Variants in EVI5 observed in about 807,000 individuals in gnomAD.
EVI5 encodes the protein ecotropic viral integration site 5.
A neutral mutation model predicts 112.0 loss-of-function variants in EVI5; 73 were observed. The ratio of observed to expected loss-of-function variants is 0.65; its 90% confidence interval spans 0.54 to 0.79. The LOEUF is 0.79. Among genes scored for constraint, EVI5 ranks in the 30% least tolerant of loss-of-function variants. EVI5 has a pLI of 0.00. For missense variants in EVI5, 900 were observed against 968.8 expected, an observed-to-expected ratio of 0.93 and a Z score of 0.94; for synonymous variants, 305 against 319.9, an observed-to-expected ratio of 0.95 and a Z score of 0.50.
chr1:92,707,244 G>A (rs1375831473), intron 2 of EVI5, among the ~76,000 whole-genome samples: 2 of 147,488 alleles, frequency 1.4e-5, no homozygotes, highest in African/African-American at 2.5e-5. Flanking sequence ...GCAAAAATTT[G>A]TTTGCAGGAC....
chr1:92,579,853 C>A (rs1294323220), intron 18 of EVI5, among the ~76,000 whole-genome samples: 1 of 152,062 alleles, frequency 6.6e-6, no homozygotes, highest in Admixed American at 6.5e-5. Flanking sequence ...CTTAAACGGT[C>A]GCTTGTGATT....
chr1:92,573,170 G>A (rs904207307), intron 18 of EVI5, among the ~76,000 whole-genome samples: 1 of 152,030 alleles, frequency 6.6e-6, no homozygotes, highest in Non-Finnish European at 1.5e-5. Flanking sequence ...AATTAGAGAA[G>A]TATCACTTTA....
chr1:92,660,903 C>G (rs1019898621), intron 13 of EVI5, among the ~76,000 whole-genome samples: 2 of 151,860 alleles, frequency 1.3e-5, no homozygotes, highest in Admixed American at 6.6e-5. Context: ...CATCAAGCTA[C>G]ATACCTACAT....
At chr1:92,762,378 T>C (rs1374876299) in intron 1 of EVI5, among the ~76,000 whole-genome samples, 1 of 152,210 alleles carries the variant, frequency 6.6e-6, no homozygotes, top group East Asian at 1.9e-4. Flanking sequence ...ATTCATTATC[T>C]TATTTAATCT....
At chr1:92,754,522 G>A in intron 1 of EVI5, among the ~76,000 whole-genome samples, 1 of 97,664 alleles carries the variant, frequency 1.0e-5, no homozygotes, top group East Asian at 1.2e-3. Context: ...GGCCTCTCAT[G>A]AGCTTGCAGA....
Position 92,513,544 on chromosome 1 carries a change from TA to T in EVI5, c.*111del. 2 of 13,192 alleles carry T rather than the reference TA, an allele frequency of 1.5e-4. No homozygotes were observed. Among genetic ancestry groups the T allele is most frequent in the Non-Finnish European group, 1.1e-4 (1 of 8,828 alleles). The allele number at this position is 13,192 out of a possible 1,614,324, so 0.8% of individuals were successfully genotyped here. A position where few individuals can be genotyped will look rare whatever the true frequency, so the allele number is the denominator to read the frequency against. On this transcript the variant is annotated 3_prime_UTR_variant, in exon 20 of 20. Transcript: ENST00000684568. ...ATATATATATATATATATATATATA[TA>T]TATATATATATATATATATATGTAC... is the stretch of plus-strand genomic sequence containing the variant.
intron 9 of EVI5, among the ~76,000 whole-genome samples, chr1:92,689,823 A>G (rs1244280612): frequency 6.6e-6 from 1 of 152,230 alleles, no homozygotes; most frequent in Non-Finnish European, 1.5e-5. Context: ...GAATAGACTA[A>G]TTTAAAAGAA....
chr1:92,722,763 T>A (rs1455393386), intron 2 of EVI5, among the ~76,000 whole-genome samples: 2 of 152,168 alleles, frequency 1.3e-5, no homozygotes, highest in African/African-American at 4.8e-5. Context: ...TTTAAAAGAC[T>A]ATCTCTTCCC....
At chr1:92,514,483 A>C (rs894971407) in intron 19 of EVI5, among the ~76,000 whole-genome samples, 1 of 152,024 alleles carries the variant, frequency 6.6e-6, no homozygotes, top group African/African-American at 2.4e-5. Flanking sequence ...GAATAATAAC[A>C]ACCGTCCTAT....
At chr1:92,683,492 C>T (rs1558063011) in intron 9 of EVI5, among the ~76,000 whole-genome samples, 1 of 152,166 alleles carries the variant, frequency 6.6e-6, no homozygotes, top group Admixed American at 6.5e-5. Flanking sequence ...ACACAGAGCA[C>T]CTCTTCGCCT....
chr1:92,783,901 A>G (rs1404591493), intron 1 of EVI5, among the ~76,000 whole-genome samples: 1 of 152,130 alleles, frequency 6.6e-6, no homozygotes, highest in African/African-American at 2.4e-5. Flanking sequence ...AAACAAAAAA[A>G]GTTACTTACA....
intron 10 of EVI5, 98 bp downstream of exon 10, chr1:92,677,060 A>G: frequency 2.6e-6 from 2 of 770,200 alleles, no homozygotes; most frequent in Non-Finnish European, 4.3e-6. Flanking sequence ...TAGGATGGTA[A>G]ATACATTTAT....
chr1:92,728,585 G>A (rs1192083083), intron 2 of EVI5, among the ~76,000 whole-genome samples: 3 of 151,944 alleles, frequency 2.0e-5, no homozygotes, highest in African/African-American at 4.8e-5. Context: ...ACAGGGTTTC[G>A]CCATGTTGGC....
intron 19 of EVI5, among the ~76,000 whole-genome samples, chr1:92,551,103 C>T (rs1386046986): frequency 8.5e-6 from 1 of 117,198 alleles, no homozygotes; most frequent in Non-Finnish European, 1.6e-5. Flanking sequence ...AGTTCAGTGG[C>T]ATGATCTTGG....
At chr1:92,550,979 G>A (rs1666816565) in intron 19 of EVI5, among the ~76,000 whole-genome samples, 1 of 139,622 alleles carries the variant, frequency 7.2e-6, no homozygotes, top group African/African-American at 2.6e-5. Flanking sequence ...CCAAAATCCA[G>A]AATTAAGATT....
intron 18 of EVI5, among the ~76,000 whole-genome samples, chr1:92,591,640 T>TA (rs1461399939): frequency 3.3e-5 from 5 of 152,130 alleles, no homozygotes; most frequent in African/African-American, 1.2e-4. Flanking sequence ...CAAAAAGACT[T>TA]AGACTCCCAC....
chr1:92,726,790 A>G (rs749644192), intron 2 of EVI5, among the ~76,000 whole-genome samples: 1 of 152,222 alleles, frequency 6.6e-6, no homozygotes, highest in Non-Finnish European at 1.5e-5. Context: ...AGGACTGGAC[A>G]GGAGAAATGC....
chr1:92,696,368 C>T (rs1670320238), intron 6 of EVI5, among the ~76,000 whole-genome samples: 1 of 152,102 alleles, frequency 6.6e-6, no homozygotes, highest in South Asian at 2.1e-4. Flanking sequence ...AATCCCAGCA[C>T]TTTGGGAGGC....
At chr1:92,711,399 T>C (rs1355733222) in intron 2 of EVI5, among the ~76,000 whole-genome samples, 1 of 152,204 alleles carries the variant, frequency 6.6e-6, no homozygotes, top group East Asian at 1.9e-4. Flanking sequence ...CAACAGCAAC[T>C]GGTCAACATG....
Sources: allele counts gnomAD v4.1 joint callset (sites outside exome capture counted in the v4.1 genomes callset), GRCh38; gene constraint gnomAD v4.1.1; transcripts MANE v1.5; gene names NCBI Gene and HGNC (gene_info 2026-07-23, HGNC 2026-07-21).